Variants in GDF1 observed in about 807,000 individuals in gnomAD.
GDF1 encodes the protein growth differentiation factor 1, also known as embryonic growth/differentiation factor 1.
GDF1 carries 8 observed loss-of-function variants against 7.4 expected under a neutral mutation model. The observed-to-expected ratio is 1.09, with a 90% confidence interval of 0.64 to 1.96. The LOEUF (loss-of-function observed/expected upper bound fraction) is 1.96. GDF1 is among the 30% of genes most tolerant of loss of function. GDF1 has a pLI of 0.00. For synonymous variants in GDF1, 311 were observed against 276.7 expected (o/e 1.12, Z -1.23); for missense variants, 574 against 551.5 (o/e 1.04, Z -0.41).
intron 2 of GDF1, among the ~76,000 whole-genome samples, chr19:18,887,987 T>C (rs1212425924): frequency 1.3e-5 from 2 of 152,042 alleles, no homozygotes; most frequent in African/African-American, 4.8e-5. Context: ...AGGAACCTCA[T>C]ATAAGTGGAA....
chr19:18,870,011 T>A lies in GDF1; in HGVS notation c.297A>T (p.Gly99=), dbSNP rs377462104. Residue 99 remains glycine (G), a synonymous_variant, in exon 7 of 8, where the codon GGA becomes GGT. Transcript: ENST00000247005. This position sits in a 1 kb window ranked among gnomAD's most constrained non-coding sequence, Gnocchi z 5.1. ...PCHVEELGVA[G]NIVRHIPDRG... ...GGTCCGGGATGTGGCGCACGATGTT[T>A]CCGGCGACCCCCAGCTCCTCCACGT... 42 of 1,597,136 alleles carry A rather than the reference T, an allele frequency of 2.6e-5. No individual in the cohort carries two copies. Among genetic ancestry groups the A allele is most frequent in the Non-Finnish European group, 3.4e-5 (40 of 1,173,602 alleles).
rs374212260 is a variant in GDF1 at position 18,880,310 on chromosome 19, G to A, written c.-607C>T. On this transcript the variant is annotated 5_prime_UTR_variant, in exon 4 of 8. An upstream open reading frame in the 5' UTR gains an earlier in-frame stop. Coordinates refer to ENST00000247005, the MANE Select transcript of GDF1 (RefSeq NM_001492.6). Reference sequence around the variant, plus strand: ...GAAGCTGAGGCAGCCCAAGTCTGCTGCCAAGGCATGCAGCCGATGGTAGGA... The same window carrying A: ...GAAGCTGAGGCAGCCCAAGTCTGCTACCAAGGCATGCAGCCGATGGTAGGA... The A allele has an allele frequency of 8.3e-5, 129 of 1,552,516 alleles. No individual in the cohort carries two copies. The highest frequency in any genetic ancestry group is 1.1e-4 in the Non-Finnish European group (126 of 1,148,240).
At chr19:18,879,521 T>G in intron 4 of GDF1, 133 bp from the exon 5 acceptor site, 1 of 1,095,818 alleles carries the variant, frequency 9.1e-7, no homozygotes. Flanking sequence ...CTGTTTCTAC[T>G]ACTGCTCTGT....
intron 1 of GDF1, among the ~76,000 whole-genome samples, chr19:18,894,442 C>T (rs2056575550): frequency 6.6e-6 from 1 of 152,160 alleles, no homozygotes; most frequent in Non-Finnish European, 1.5e-5. Flanking sequence ...TTTGGAACAC[C>T]CGGCAGCCCC....
intron 2 of GDF1, 132 bp downstream of exon 2, chr19:18,893,284 A>G: frequency 1.0e-6 from 1 of 979,556 alleles, no homozygotes; most frequent in Non-Finnish European, 1.5e-6. Context: ...GCGTGCTCAT[A>G]GCTCCCCTTG....
At chr19:18,869,544 G>T (rs1373928795) in intron 7 of GDF1, among the ~76,000 whole-genome samples, 154 bp from the exon 8 acceptor site, 1 of 151,050 alleles carries the variant, frequency 6.6e-6, no homozygotes, top group East Asian at 2.0e-4. Context: ...ATGGAGTGGG[G>T]GCAGGGCATG....
intron 3 of GDF1, 150 bp from the exon 4 acceptor site, chr19:18,880,585 A>G (rs568045322): frequency 1.1e-5 from 8 of 707,416 alleles, no homozygotes; most frequent in African/African-American, 3.6e-5. Flanking sequence ...TGCCCTGCCC[A>G]TCTCCACTTC....
chr19:18,888,346 G>A (rs570723135), intron 2 of GDF1, among the ~76,000 whole-genome samples: 362 of 151,288 alleles, frequency 2.4e-3, no homozygotes, highest in African/African-American at 8.2e-3. Flanking sequence ...GTGACAGAGC[G>A]AGACTCCATC....
intron 3 of GDF1, chr19:18,883,001 T>C (rs1251651342): frequency 6.6e-6 from 1 of 152,186 alleles, no homozygotes; most frequent in Non-Finnish European, 1.5e-5. Context: ...TAAAAATTTA[T>C]TTATTAGAGA....
chr19:18,873,021 G>A (rs77091174), intron 6 of GDF1, among the ~76,000 whole-genome samples: 2,050 of 152,304 alleles, frequency 0.013, 34 homozygotes, highest in African/African-American at 0.039. Flanking sequence ...CAGAGCGAGT[G>A]TGCAGAGAGA....
rs1017237969 is a variant in GDF1 at position 18,878,026 on chromosome 19, C to T, written c.-313+904G>A. On this transcript the variant is annotated intron_variant, in intron 6 of 7. Transcript: ENST00000247005. This position sits in a 1 kb window ranked among gnomAD's most constrained non-coding sequence, Gnocchi z 4.6. ...ACGCTCCTCTGCCTGGCTACAGCCC[C>T]GGATGTGTTAAATGTCTGCATCTCG... 6 of 985,338 alleles carry T rather than the reference C, an allele frequency of 6.1e-6. No homozygotes were observed. Among genetic ancestry groups the T allele is most frequent in the South Asian group, 4.7e-5 (1 of 21,282 alleles). 61.0% of individuals were successfully genotyped at this position (985,338 alleles called of 1,614,324 possible). A position where few individuals can be genotyped will look rare whatever the true frequency, so the allele number is the denominator to read the frequency against.
rs2056603258 is a variant in GDF1, at chr19:18,895,479, A to AT, written c.-1074+344_-1074+345insA. 2.0e-5 allele frequency among the ~76,000 whole-genome samples: 3 copies of AT among 151,664 alleles called. No homozygotes were observed. The highest frequency in any genetic ancestry group is 6.6e-5 in the Admixed American group (1 of 15,264). On this transcript the variant is annotated intron_variant, in intron 1 of 7. Transcript: ENST00000247005. This position sits in a 1 kb window ranked among gnomAD's most constrained non-coding sequence, Gnocchi z 6.4. ...CCACCGCGCGGGGCCCCCTGGTCCC[A>AT]AACTGACCGGAAAGGGCCGTGCCTC...
In GDF1 at chr19:18,878,124, G is replaced by A. The variant is rs183051735; in HGVS notation, c.-313+806C>T. 4 of 985,442 alleles carry A rather than the reference G, an allele frequency of 4.1e-6. No individual in the cohort carries two copies. Among genetic ancestry groups the A allele is most frequent in the Non-Finnish European group, 1.2e-6 (1 of 829,992 alleles). The allele number at this position is 985,442 out of a possible 1,614,324, so 61.0% of individuals were successfully genotyped here. A position where few individuals can be genotyped will look rare whatever the true frequency, so the allele number is the denominator to read the frequency against. On this transcript the variant is annotated intron_variant, in intron 6 of 7. Transcript: ENST00000247005. This position sits in a 1 kb window ranked among gnomAD's most constrained non-coding sequence, Gnocchi z 4.6. ...CTGAAACCATCGTTCCCACGTCACC[G>A]ATGGCCCCCACCGGCCAAATCAGAG...
intron 2 of GDF1, among the ~76,000 whole-genome samples, chr19:18,886,709 G>A (rs1217838130): frequency 1.3e-5 from 2 of 151,952 alleles, no homozygotes; most frequent in Admixed American, 6.6e-5. Flanking sequence ...CTCCATCTGC[G>A]GCTTCCTGGC....
In GDF1 at chr19:18,869,133, G is replaced by A. The variant is rs1322632787; in HGVS notation, c.583C>T (p.Arg195Cys). 1.8e-6 allele frequency: 2 copies of A among 1,102,092 alleles called. No homozygotes were observed. Among genetic ancestry groups the A allele is most frequent in the Non-Finnish European group, 1.1e-6 (1 of 904,044 alleles). 68.3% of individuals were successfully genotyped at this position (1,102,092 alleles called of 1,614,324 possible). A position where few individuals can be genotyped will look rare whatever the true frequency, so the allele number is the denominator to read the frequency against. Residue 195 changes from arginine to cysteine, a missense_variant, in exon 8 of 8, where the codon CGC (arginine) becomes TGC (cysteine). Transcript: ENST00000247005. ...CAAGCGGCGCCCAGCAGCTCCGCGC[G>A]CACTGGCGGCCCCAGGGCGGGCACC... ...QLVPALGPPVRAELLGAAWAR... is the reference protein window; with the variant it reads ...QLVPALGPPVCAELLGAAWAR...
intron 2 of GDF1, among the ~76,000 whole-genome samples, chr19:18,893,042 G>A (rs779096235): frequency 4.6e-5 from 7 of 151,734 alleles, no homozygotes; most frequent in South Asian, 4.2e-4. Context: ...TCAGCCTCCC[G>A]AGTAGCTGGG....
At position 18,869,396 on chromosome 19, in the gene GDF1, G is replaced by A. The variant is rs1280379304; in HGVS notation, c.326-6C>T. 6.5e-7 allele frequency: 1 copy of A among 1,528,532 alleles called. No individual in the cohort carries two copies. The highest frequency in any genetic ancestry group is 8.7e-7 in the Non-Finnish European group (1 of 1,144,252). The allele number at this position is 1,528,532 out of a possible 1,614,324, so 94.7% of individuals were successfully genotyped here. A position where few individuals can be genotyped will look rare whatever the true frequency, so the allele number is the denominator to read the frequency against. On this transcript the variant is annotated splice_polypyrimidine_tract_variant and splice_region_variant and intron_variant, in intron 7 of 7. Transcript: ENST00000247005. ...CGAGGCCCGGGTGGGCGCACCTGGG[G>A]AGGTAGGAACAGGAACTCGGCTCGC...
chr19:18,870,151 G>T lies in GDF1; in HGVS notation c.157C>A (p.Pro53Thr). The T allele has an allele frequency of 6.4e-7, 1 of 1,559,772 alleles. No homozygotes were observed. Residue 53 changes from proline to threonine, a missense_variant, in exon 7 of 8, where the codon CCC becomes ACC. Pro to Thr is a conservative substitution (Grantham distance 38). Transcript: ENST00000247005. This position sits in a 1 kb window ranked among gnomAD's most constrained non-coding sequence, Gnocchi z 5.1. ...ACCGGGGGAACCGGCCGGAGCCTGGGGGCACCCTGGGGCTCATCGCGCAGT... is the reference window on the plus strand; with the variant it reads ...ACCGGGGGAACCGGCCGGAGCCTGGTGGCACCCTGGGGCTCATCGCGCAGT... ...LGLRDEPQGA[P>T]RLRPVPPVMW...
intron 6 of GDF1, among the ~76,000 whole-genome samples, chr19:18,871,458 G>T (rs1231598620): frequency 2.0e-5 from 3 of 152,056 alleles, no homozygotes; most frequent in African/African-American, 7.2e-5. Flanking sequence ...CTGACCTCAG[G>T]TGATCCGCCC....
Sources: allele counts gnomAD v4.1 joint callset (sites outside exome capture counted in the v4.1 genomes callset), GRCh38; gene constraint gnomAD v4.1.1; non-coding constraint Gnocchi (gnomAD v3.1); transcripts MANE v1.5; gene names NCBI Gene and HGNC (gene_info 2026-07-23, HGNC 2026-07-21).